GUCA1C: variants seen among roughly 807,000 people sequenced by gnomAD.
GUCA1C encodes guanylate cyclase activator 1C.
A neutral mutation model predicts 16.2 loss-of-function variants in GUCA1C; 15 were observed. That is an observed-to-expected ratio of 0.93 (90% CI 0.62 to 1.43). The LOEUF (loss-of-function observed/expected upper bound fraction) is 1.43, where lower values mean the gene tolerates loss of function less well. Ranked by LOEUF, GUCA1C falls within the 40% of genes most tolerant of loss-of-function variation. The pLI is 0.00. For missense variants in GUCA1C, 275 were observed against 244.8 expected, an observed-to-expected ratio of 1.12 and a Z score of -0.82; for synonymous variants, 78 against 85.4, an observed-to-expected ratio of 0.91 and a Z score of 0.48.
chr3:108,945,610 A>G lies in GUCA1C; in HGVS notation c.204+7949T>C, dbSNP rs192154302. ...TTGAGAGGAGCAGTTTCCATCACTG[A>G]CCTCACCTAGTAAGATTTGCTGTCT... On this transcript the variant is annotated intron_variant, in intron 1 of 3. Transcript: ENST00000261047. Among the ~76,000 whole-genome samples, 345 of 152,278 alleles carry G rather than the reference A, an allele frequency of 2.3e-3. 3 individuals carry two copies. Among genetic ancestry groups the G allele is most frequent in the Admixed American group, 3.9e-3 (59 of 15,298 alleles).
intron 1 of GUCA1C, among the ~76,000 whole-genome samples, chr3:108,925,821 TCA>T (rs1019524990): frequency 7.2e-4 from 110 of 152,330 alleles, no homozygotes; most frequent in African/African-American, 2.5e-3. Flanking sequence ...GCATAGTGGC[TCA>T]CGCCTGTAAT....
At chr3:108,921,391 TA>T in intron 1 of GUCA1C, among the ~76,000 whole-genome samples, 1 of 152,306 alleles carries the variant, frequency 6.6e-6, no homozygotes, top group Non-Finnish European at 1.5e-5. Context: ...CAATTATAAA[TA>T]AAGTTGCTAT....
chr3:108,942,348 A>G (rs966619373), intron 1 of GUCA1C, among the ~76,000 whole-genome samples: 3 of 152,190 alleles, frequency 2.0e-5, no homozygotes, highest in African/African-American at 7.2e-5. Context: ...AACTAAGTCC[A>G]TCGCTCAACC....
At chr3:108,911,652 T>G (rs1946455286) in intron 3 of GUCA1C, among the ~76,000 whole-genome samples, 1 of 152,236 alleles carries the variant, frequency 6.6e-6, no homozygotes, top group Admixed American at 6.5e-5. Flanking sequence ...CAGTTCCCTC[T>G]TATCTCCTGG....
At chr3:108,935,854 C>T (rs1266578017) in intron 1 of GUCA1C, among the ~76,000 whole-genome samples, 1 of 152,092 alleles carries the variant, frequency 6.6e-6, no homozygotes. Flanking sequence ...GTGCTTCTGT[C>T]CAACAGAAAA....
intron 1 of GUCA1C, among the ~76,000 whole-genome samples, chr3:108,931,032 A>G (rs1230415523): frequency 6.6e-6 from 1 of 152,212 alleles, no homozygotes; most frequent in Non-Finnish European, 1.5e-5. Flanking sequence ...GCCTTCCTCC[A>G]GGGTCTTTAG....
chr3:108,925,584 A>G (rs1397078331), intron 1 of GUCA1C, among the ~76,000 whole-genome samples: 2 of 152,168 alleles, frequency 1.3e-5, no homozygotes, highest in African/African-American at 2.4e-5. Flanking sequence ...TGATGAATAG[A>G]ATGTATATTC....
chr3:108,909,656 C>T (rs573158533), intron 3 of GUCA1C, among the ~76,000 whole-genome samples: 28 of 152,254 alleles, frequency 1.8e-4, no homozygotes, highest in African/African-American at 4.8e-4. Flanking sequence ...CTGAAAGAAC[C>T]GGGATATAGT....
At position 108,915,122 on chromosome 3, in the gene GUCA1C, C is replaced by T. The variant is rs79134019; in HGVS notation, c.442+1005G>A. 3.8e-3 allele frequency among the ~76,000 whole-genome samples: 573 copies of T among 152,298 alleles called. 2 individuals carry two copies. The highest frequency in any genetic ancestry group is 6.7e-3 in the Non-Finnish European group (453 of 68,024). Reference sequence around the variant, plus strand: ...CAGTGGCTGCATTTGAGCTTCCTCCCGGCCTCACCATCCCATCCTGCCACG... The same window carrying T: ...CAGTGGCTGCATTTGAGCTTCCTCCTGGCCTCACCATCCCATCCTGCCACG... On this transcript the variant is annotated intron_variant, in intron 3 of 3. Coordinates refer to ENST00000261047, the MANE Select transcript of GUCA1C (RefSeq NM_005459.4).
chr3:108,934,900 G>A (rs1432597233), intron 1 of GUCA1C, among the ~76,000 whole-genome samples: 2 of 126,658 alleles, frequency 1.6e-5, no homozygotes, highest in Admixed American at 1.0e-4. Flanking sequence ...TGCAAGCTCC[G>A]CCTCCCGGGT....
At chr3:108,928,435 G>A (rs950648215) in intron 1 of GUCA1C, among the ~76,000 whole-genome samples, 2 of 152,178 alleles carry the variant, frequency 1.3e-5, no homozygotes, top group African/African-American at 4.8e-5. Context: ...CAGAGCAGAA[G>A]TTTTTAATTT....
intron 1 of GUCA1C, among the ~76,000 whole-genome samples, chr3:108,924,917 A>T (rs1946608125): frequency 6.6e-6 from 1 of 152,162 alleles, no homozygotes; most frequent in Admixed American, 6.5e-5. Flanking sequence ...TTATGCACAA[A>T]AAGGTGTTCA....
At chr3:108,910,908 C>T (rs569017064) in intron 3 of GUCA1C, among the ~76,000 whole-genome samples, 1 of 152,104 alleles carries the variant, frequency 6.6e-6, no homozygotes, top group Non-Finnish European at 1.5e-5. Context: ...CCTCGGCCCC[C>T]CAAAGTGCTG....
In GUCA1C at chr3:108,939,324, C is replaced by CTTTTTTTT. The variant is rs549981150; in HGVS notation, c.204+14227_204+14234dup. Among the ~76,000 whole-genome samples the CTTTTTTTT allele has an allele frequency of 6.6e-3, 216 of 32,894 alleles. 64 individuals carry two copies. The highest frequency in any genetic ancestry group is 0.021 in the African/African-American group (191 of 8,930). The allele number at this position is 32,894 out of a possible 152,430, so 21.6% of individuals were successfully genotyped here. On this transcript the variant is annotated intron_variant, in intron 1 of 3. Coordinates refer to ENST00000261047, the MANE Select transcript of GUCA1C (RefSeq NM_005459.4). ...TGTTAATATATTACTTGCTTCAAGGCTTTTTTTTTTTTTTTTTTTTTTTTT... is the reference window on the plus strand; with the variant it reads ...TGTTAATATATTACTTGCTTCAAGGCTTTTTTTTTTTTTTTTTTTTTTTTTTTTTTTTT...
chr3:108,939,300 G>T (rs1342823192), intron 1 of GUCA1C, among the ~76,000 whole-genome samples: 7 of 107,422 alleles, frequency 6.5e-5, no homozygotes, highest in African/African-American at 2.5e-4. Flanking sequence ...TTATATAACT[G>T]TTAATATATT....
At chr3:108,926,099 T>C (rs1381536301) in intron 1 of GUCA1C, among the ~76,000 whole-genome samples, 2 of 150,986 alleles carry the variant, frequency 1.3e-5, no homozygotes, top group African/African-American at 2.4e-5. Flanking sequence ...AAAAAAAAAA[T>C]TGGGGAACTC....
intron 1 of GUCA1C, among the ~76,000 whole-genome samples, chr3:108,945,395 A>G (rs905284906): frequency 6.6e-6 from 1 of 152,228 alleles, no homozygotes; most frequent in Non-Finnish European, 1.5e-5. Context: ...TTTAGGTGTA[A>G]CACTGACCAC....
chr3:108,910,872 G>C (rs1946445757), intron 3 of GUCA1C, among the ~76,000 whole-genome samples: 1 of 151,976 alleles, frequency 6.6e-6, no homozygotes, highest in South Asian at 2.1e-4. Flanking sequence ...GGATGGTCTC[G>C]ATCTCCTGAC....
chr3:108,935,593 G>C (rs1414175550), intron 1 of GUCA1C, among the ~76,000 whole-genome samples: 3 of 151,990 alleles, frequency 2.0e-5, no homozygotes, highest in African/African-American at 7.2e-5. Context: ...CTACTTGGGA[G>C]GCTGAGGCAG....
Sources: allele counts gnomAD v4.1 joint callset (sites outside exome capture counted in the v4.1 genomes callset), GRCh38; gene constraint gnomAD v4.1.1; transcripts MANE v1.5; gene names NCBI Gene and HGNC (gene_info 2026-07-23, HGNC 2026-07-21).